The following ADGRG7 variants were observed in gnomAD, a reference collection of about 807,000 sequenced individuals.
The protein encoded by ADGRG7 is G-protein coupled receptor 128.
Under a neutral mutation model 88.6 loss-of-function variants are expected in ADGRG7, and 82 were observed. The ratio of observed to expected loss-of-function variants is 0.93; its 90% CI spans 0.77 to 1.11. The LOEUF is 1.11. Ranked by LOEUF, ADGRG7 falls within the 50% of genes most tolerant of loss-of-function variation. The pLI, the probability that ADGRG7 is intolerant of heterozygous loss-of-function variation, is 0.00. For synonymous variants in ADGRG7, 381 were observed against 345.2 expected (o/e 1.10, Z -1.15); for missense variants, 945 against 953.4 (o/e 0.99, Z 0.12).
intron 1 of ADGRG7, among the ~76,000 whole-genome samples, chr3:100,612,958 C>T (rs761378430): frequency 2.0e-5 from 3 of 152,132 alleles, no homozygotes; most frequent in South Asian, 2.1e-4. Context: ...GGCATGATCT[C>T]GGCTCACTGC....
rs1576336044 is a variant in ADGRG7, at chr3:100,675,232, C to A, written c.2136+6127C>A. ...ATTCAGCATGATACTAGCTGTGAGT[C>A]CGTCATATACAGCTTTTATTGTGTT... On this transcript the variant is annotated intron_variant, in intron 15 of 15. Coordinates refer to ENST00000273352, the MANE Select transcript of ADGRG7 (RefSeq NM_032787.3). 2.0e-5 allele frequency among the ~76,000 whole-genome samples: 3 copies of A among 152,124 alleles called. No individual in the cohort carries two copies. The East Asian group carries it at 5.8e-4, about 29-fold the overall frequency.
At chr3:100,685,629 G>A (rs868796953) in intron 15 of ADGRG7, among the ~76,000 whole-genome samples, 1 of 151,982 alleles carries the variant, frequency 6.6e-6, no homozygotes, top group African/African-American at 2.4e-5. Context: ...GCAGTGTTTG[G>A]TTTTTTGTCC....
intron 11 of ADGRG7, among the ~76,000 whole-genome samples, chr3:100,653,622 C>T (rs2094932757): frequency 6.6e-6 from 1 of 152,104 alleles, no homozygotes; most frequent in South Asian, 2.1e-4. Context: ...CATATTATTT[C>T]TAATGATTTT....
intron 6 of ADGRG7, among the ~76,000 whole-genome samples, chr3:100,640,313 A>T (rs1028191614): frequency 7.2e-5 from 11 of 152,162 alleles, no homozygotes; most frequent in African/African-American, 2.7e-4. Flanking sequence ...TCCTTCTTTC[A>T]TTCCAGTTTT....
intron 15 of ADGRG7, among the ~76,000 whole-genome samples, chr3:100,678,493 C>G (rs947976683): frequency 6.6e-6 from 1 of 151,966 alleles, no homozygotes; most frequent in African/African-American, 2.4e-5. Context: ...GTTCTTGATG[C>G]TTGGGTATGT....
intron 1 of ADGRG7, among the ~76,000 whole-genome samples, chr3:100,617,052 C>T (rs1182694197): frequency 6.6e-6 from 1 of 151,884 alleles, no homozygotes; most frequent in Non-Finnish European, 1.5e-5. Flanking sequence ...GAAGTAATAA[C>T]TAAAAAGTTT....
At chr3:100,627,862 A>G (rs1707401312) in intron 1 of ADGRG7, among the ~76,000 whole-genome samples, 1 of 152,034 alleles carries the variant, frequency 6.6e-6, no homozygotes, top group Middle Eastern at 3.2e-3. Context: ...TTCTTCTGAT[A>G]TTTTATCTTC....
chr3:100,634,405 T>C (rs1707503063), intron 4 of ADGRG7, among the ~76,000 whole-genome samples: 1 of 152,256 alleles, frequency 6.6e-6, no homozygotes, highest in Non-Finnish European at 1.5e-5. Context: ...CAAATATTAA[T>C]GTATTTATTA....
At chr3:100,656,843 T>C (rs1183229575) in intron 13 of ADGRG7, among the ~76,000 whole-genome samples, 1 of 152,174 alleles carries the variant, frequency 6.6e-6, no homozygotes, top group African/African-American at 2.4e-5. Flanking sequence ...GGGAGCTGAC[T>C]GCCTGGCCTG....
intron 15 of ADGRG7, among the ~76,000 whole-genome samples, chr3:100,672,482 T>C (rs1157823016): frequency 6.6e-6 from 1 of 152,240 alleles, no homozygotes; most frequent in Admixed American, 6.5e-5. Context: ...TTTCTAAACA[T>C]ACAATCATGT....
intron 1 of ADGRG7, among the ~76,000 whole-genome samples, chr3:100,614,586 T>C (rs1414345391): frequency 6.6e-6 from 1 of 152,208 alleles, no homozygotes; most frequent in Non-Finnish European, 1.5e-5. Context: ...TTAACTTTAT[T>C]GTCACCAAAC....
At position 100,633,279 on chromosome 3, in the gene ADGRG7, G is replaced by A. The variant is rs1576317387; in HGVS notation, c.349G>A (p.Ala117Thr). ...TTGTATTAAAGCGGGCAATCCAATG[G>A]CAGTCCGGTTGTGCAGTCTCTCTCT... ...KDTPNAGNPM[A>T]VRLCSLSLYG... The change falls in exon 4 of 16, where the codon GCA becomes ACA. Residue 117 changes from alanine (A) to threonine (T), a missense_variant. Transcript: ENST00000273352. 1.4e-6 allele frequency: 2 copies of A among 1,475,516 alleles called. No homozygotes were observed. The highest frequency in any genetic ancestry group is 1.8e-6 in the Non-Finnish European group (2 of 1,109,754). The allele number at this position is 1,475,516 out of a possible 1,614,324, so 91.4% of individuals were successfully genotyped here. A position where few individuals can be genotyped will look rare whatever the true frequency, so the allele number is the denominator to read the frequency against.
At chr3:100,622,053 C>T (rs142075383) in intron 1 of ADGRG7, among the ~76,000 whole-genome samples, 2 of 152,254 alleles carry the variant, frequency 1.3e-5, no homozygotes, top group East Asian at 3.9e-4. Context: ...TAATCTAATG[C>T]TGCTGATCTG....
At chr3:100,617,035 T>C (rs957039590) in intron 1 of ADGRG7, among the ~76,000 whole-genome samples, 4 of 152,098 alleles carry the variant, frequency 2.6e-5, no homozygotes, top group African/African-American at 9.7e-5. Context: ...GAGAAGCAAC[T>C]CTTAAAGAAG....
chr3:100,629,322 A>G (rs16842432), intron 1 of ADGRG7, among the ~76,000 whole-genome samples: 2,253 of 150,518 alleles, frequency 0.015, 62 homozygotes, highest in African/African-American at 0.052. Flanking sequence ...CTTACCATCT[A>G]TATAATTTCT....
intron 15 of ADGRG7, 124 bp from the exon 16 acceptor site, chr3:100,694,619 TG>T: frequency 1.1e-6 from 1 of 896,522 alleles, no homozygotes; most frequent in Non-Finnish European, 1.7e-6. Context: ...AGCTGCACAC[TG>T]GCAAATTCAA....
At chr3:100,650,282 A>T (rs768238994) in intron 11 of ADGRG7, among the ~76,000 whole-genome samples, 1 of 152,238 alleles carries the variant, frequency 6.6e-6, no homozygotes, top group Non-Finnish European at 1.5e-5. Flanking sequence ...TTAAATAATG[A>T]CCTATAAACA....
chr3:100,629,562 A>G lies in ADGRG7; in HGVS notation c.116-36A>G, dbSNP rs759018963. 2.1e-6 allele frequency: 3 copies of G among 1,432,746 alleles called. No individual in the cohort carries two copies. The South Asian group carries it at 3.5e-5, about 17-fold the overall frequency. 88.8% of individuals were successfully genotyped at this position (1,432,746 alleles called of 1,614,324 possible). The stretch of plus-strand genomic sequence containing the variant: ...GCATGAAAGGAGAAATGAATCAGCC[A>G]GTTCATGACTATTCTGTTATTTATT... On this transcript the variant is annotated intron_variant, in intron 1 of 15. Coordinates refer to ENST00000273352, the MANE Select transcript of ADGRG7 (RefSeq NM_032787.3).
intron 10 of ADGRG7, among the ~76,000 whole-genome samples, chr3:100,647,409 G>C (rs1236274368): frequency 6.6e-6 from 1 of 152,186 alleles, no homozygotes; most frequent in East Asian, 1.9e-4. Context: ...TTACTTAGCT[G>C]TATGTGGACA....
Sources: gnomAD v4.1 joint callset for allele counts (sites outside exome capture counted in the v4.1 genomes callset) on GRCh38, gnomAD v4.1.1 for gene constraint, MANE v1.5 for transcripts, NCBI Gene and HGNC (gene_info 2026-07-23, HGNC 2026-07-21) for gene names.